Variants in AGPAT3 observed in about 807,000 individuals in gnomAD.
AGPAT3 encodes the protein 1-acylglycerol-3-phosphate O-acyltransferase 3.
A neutral mutation model predicts 47.3 loss-of-function variants in AGPAT3; 5 were observed. The observed-to-expected ratio is 0.11, with a 90% CI of 0.06 to 0.22. The LOEUF (loss-of-function observed/expected upper bound fraction) is 0.22, where lower values mean the gene tolerates loss of function less well. Among genes scored for constraint, AGPAT3 ranks in the 10% least tolerant of loss-of-function variants. AGPAT3 has a pLI of 1.00. For synonymous variants in AGPAT3, 212 were observed against 208.3 expected (o/e 1.02, Z -0.15); for missense variants, 315 against 493.0 (o/e 0.64, Z 3.42).
chr21:43,962,070 G>A (rs1440511579), intron 3 of AGPAT3, among the ~76,000 whole-genome samples: 21 of 149,286 alleles, frequency 1.4e-4, no homozygotes, highest in Admixed American at 2.0e-4. Context: ...GTGCGATCTC[G>A]GCTCACTGCA....
intron 3 of AGPAT3, among the ~76,000 whole-genome samples, chr21:43,963,091 G>A (rs2088955271): frequency 6.6e-6 from 1 of 152,220 alleles, no homozygotes; most frequent in Non-Finnish European, 1.5e-5. Flanking sequence ...GATGGATTTT[G>A]TATCAGATTA....
In AGPAT3 at chr21:43,982,439, T is replaced by C; in HGVS notation, c.*47T>C. 7.0e-7 allele frequency: 1 copy of C among 1,427,000 alleles called. No homozygotes were observed. Among genetic ancestry groups the C allele is most frequent in the East Asian group, 2.3e-5 (1 of 43,862 alleles). The allele number at this position is 1,427,000 out of a possible 1,614,324, so 88.4% of individuals were successfully genotyped here. A position where few individuals can be genotyped will look rare whatever the true frequency, so the allele number is the denominator to read the frequency against. Reference sequence around the variant, plus strand: ...ACGCGGCCCTGACGGTGGTATCCAGTTAACTCAAAACCAACACACAGAGTG... The same window carrying C: ...ACGCGGCCCTGACGGTGGTATCCAGCTAACTCAAAACCAACACACAGAGTG... On this transcript the variant is annotated 3_prime_UTR_variant, in exon 10 of 10. Coordinates refer to ENST00000291572, the MANE Select transcript of AGPAT3 (RefSeq NM_020132.5). The surrounding 1 kb of genome is among the most constrained non-coding windows in gnomAD (Gnocchi z 6.2).
rs945274480 is a variant in AGPAT3, at chr21:43,985,582, G to A, written c.*3190G>A. 6 of 257,652 alleles carry A rather than the reference G, an allele frequency of 2.3e-5. No homozygotes were observed. Among genetic ancestry groups the A allele is most frequent in the African/African-American group, 6.8e-5 (3 of 43,818 alleles). 16.0% of individuals were successfully genotyped at this position (257,652 alleles called of 1,614,324 possible). A position where few individuals can be genotyped will look rare whatever the true frequency, so the allele number is the denominator to read the frequency against. ...GGACCCAGCTGTGTGTTTCACTCAC[G>A]TGCAATTGAGTAGCTGTTGCCAGGC... is the stretch of plus-strand genomic sequence containing the variant. On this transcript the variant is annotated 3_prime_UTR_variant, in exon 10 of 10. Transcript: ENST00000291572.
Position 43,880,071 on chromosome 21 carries a change from C to T in AGPAT3, c.-112+14726C>T, listed in dbSNP as rs1444081136. Among the ~76,000 whole-genome samples, 1 of 152,236 alleles carries T rather than the reference C, an allele frequency of 6.6e-6. No homozygotes were observed. The highest frequency in any genetic ancestry group is 1.9e-4 in the East Asian group (1 of 5,202). ...GGAGGACGCAGCCCTGCATCCCTTGCGTCCCCAGGCATCTTAGGAGCACTG... is the reference window on the plus strand; with the variant it reads ...GGAGGACGCAGCCCTGCATCCCTTGTGTCCCCAGGCATCTTAGGAGCACTG... On this transcript the variant is annotated intron_variant, in intron 1 of 9. Coordinates refer to ENST00000291572, the MANE Select transcript of AGPAT3 (RefSeq NM_020132.5). This position sits in a 1 kb window ranked among gnomAD's most constrained non-coding sequence, Gnocchi z 4.5.
Position 43,986,265 on chromosome 21 carries a change from C to T in AGPAT3, c.*3873C>T, listed in dbSNP as rs759001414. On this transcript the variant is annotated 3_prime_UTR_variant, in exon 10 of 10. Transcript: ENST00000291572. ...AATGGTGGCATTCTTACAAACTGCT[C>T]GGGAAATAGAATGACGGGAACACTT... The T allele has an allele frequency of 4.6e-5, 7 of 152,170 alleles. No homozygotes were observed. Among genetic ancestry groups the T allele is most frequent in the Admixed American group, 2.0e-4 (3 of 15,272 alleles). 9.4% of individuals were successfully genotyped at this position (152,170 alleles called of 1,614,324 possible). A position where few individuals can be genotyped will look rare whatever the true frequency, so the allele number is the denominator to read the frequency against.
chr21:43,930,089 C>T lies in AGPAT3; in HGVS notation c.-49+26070C>T, dbSNP rs924347186. Among the ~76,000 whole-genome samples the T allele has an allele frequency of 9.9e-5, 15 of 152,200 alleles. No homozygotes were observed. The highest frequency in any genetic ancestry group is 2.4e-4 in the African/African-American group (10 of 41,458). On this transcript the variant is annotated intron_variant, in intron 2 of 9. Transcript: ENST00000291572. This position sits in a 1 kb window ranked among gnomAD's most constrained non-coding sequence, Gnocchi z 5.0. ...TGTACATCATCCAGCCCCGTTTTCA[C>T]GTTCAGGAAGTCACGAATCCACAGT...
chr21:43,909,258 C>G (rs1359300923), intron 2 of AGPAT3, among the ~76,000 whole-genome samples: 1 of 151,528 alleles, frequency 6.6e-6, no homozygotes, highest in Non-Finnish European at 1.5e-5. Flanking sequence ...AGGCAGTGGA[C>G]TGGCCGGCGG....
Position 43,985,622 on chromosome 21 carries a change from G to T in AGPAT3, c.*3230G>T, listed in dbSNP as rs1052424632. The T allele has an allele frequency of 4.4e-6, 1 of 225,298 alleles. No individual in the cohort carries two copies. The highest frequency in any genetic ancestry group is 2.3e-5 in the African/African-American group (1 of 43,022). The allele number at this position is 225,298 out of a possible 1,614,324, so 14.0% of individuals were successfully genotyped here. On this transcript the variant is annotated 3_prime_UTR_variant, in exon 10 of 10. Transcript: ENST00000291572. ...TGTTGCCAGGCTGTCCATGCCTGTT[G>T]TGACTACCGGTTGGGGTCAGATTTG... is the stretch of plus-strand genomic sequence containing the variant.
intron 1 of AGPAT3, among the ~76,000 whole-genome samples, chr21:43,903,032 C>T (rs1193745891): frequency 2.0e-5 from 3 of 152,106 alleles, no homozygotes; most frequent in Non-Finnish European, 4.4e-5. Context: ...CTGGGGGACA[C>T]AAGCATTCAG....
chr21:43,922,276 G>A lies in AGPAT3; in HGVS notation c.-49+18257G>A, dbSNP rs1383492163. On this transcript the variant is annotated intron_variant, in intron 2 of 9. Coordinates refer to ENST00000291572, the MANE Select transcript of AGPAT3 (RefSeq NM_020132.5). The surrounding 1 kb of genome is among the most constrained non-coding windows in gnomAD (Gnocchi z 4.9). ...TGTGACGGAGGAGGCTCCTGTTCTTGTGGGGGTGGCGAGGCGAGGATGGTG... is the reference window on the plus strand; with the variant it reads ...TGTGACGGAGGAGGCTCCTGTTCTTATGGGGGTGGCGAGGCGAGGATGGTG... 6.6e-6 allele frequency among the ~76,000 whole-genome samples: 1 copy of A among 152,162 alleles called. No homozygotes were observed. The highest frequency in any genetic ancestry group is 1.5e-5 in the Non-Finnish European group (1 of 68,040).
intron 3 of AGPAT3, among the ~76,000 whole-genome samples, chr21:43,963,708 A>C (rs1306167518): frequency 1.5e-4 from 9 of 61,178 alleles, no homozygotes; most frequent in Non-Finnish European, 2.3e-4. Context: ...ACTCTGTCTC[A>C]AAAAAAAAAA....
chr21:43,936,814 C>T (rs1421300025), intron 2 of AGPAT3, among the ~76,000 whole-genome samples: 3 of 152,376 alleles, frequency 2.0e-5, no homozygotes, highest in South Asian at 2.1e-4. Flanking sequence ...AAGCGGCTCC[C>T]AGGCCTCTGT....
At chr21:43,926,621 G>A (rs1161761524) in intron 2 of AGPAT3, among the ~76,000 whole-genome samples, 3 of 147,540 alleles carry the variant, frequency 2.0e-5, no homozygotes, top group Non-Finnish European at 4.5e-5. Context: ...GGTAGCTTCC[G>A]TGAGCTACGC....
At chr21:43,874,609 A>G (rs1271163145) in intron 1 of AGPAT3, among the ~76,000 whole-genome samples, 1 of 152,174 alleles carries the variant, frequency 6.6e-6, no homozygotes, top group Non-Finnish European at 1.5e-5. Context: ...TCTGGCTTAT[A>G]AAGTTGCGGT....
intron 2 of AGPAT3, among the ~76,000 whole-genome samples, chr21:43,911,227 T>C (rs756403594): frequency 4.6e-5 from 7 of 152,268 alleles, no homozygotes; most frequent in Admixed American, 1.3e-4. Flanking sequence ...CTTTTATGCA[T>C]GTTCTAAAGA....
rs556745498 is a variant in AGPAT3 at position 43,922,948 on chromosome 21, C to T, written c.-49+18929C>T. Among the ~76,000 whole-genome samples the T allele has an allele frequency of 3.3e-5, 5 of 152,298 alleles. No individual in the cohort carries two copies. The highest frequency in any genetic ancestry group is 2.1e-4 in the South Asian group (1 of 4,830). ...AGCGGGGCGGGCTCTGGGGTGCGAG[C>T]GTCTGTTCTGTGTCAGGAGTCCCTG... On this transcript the variant is annotated intron_variant, in intron 2 of 9. Transcript: ENST00000291572. This position sits in a 1 kb window ranked among gnomAD's most constrained non-coding sequence, Gnocchi z 4.9.
At chr21:43,905,542 A>G (rs908386506) in intron 2 of AGPAT3, among the ~76,000 whole-genome samples, 2 of 152,212 alleles carry the variant, frequency 1.3e-5, no homozygotes, top group Non-Finnish European at 2.9e-5. Context: ...GCAGATAACT[A>G]TGAAGATACT....
rs1482002994 is a variant in AGPAT3, at chr21:43,981,699, C to T, written c.1042+512C>T. On this transcript the variant is annotated intron_variant, in intron 9 of 9. Transcript: ENST00000291572. This position sits in a 1 kb window ranked among gnomAD's most constrained non-coding sequence, Gnocchi z 5.3. ...TGTCCCTGTGGTGAGCTCCGGCGCC[C>T]ACCCACACCCCGTAATTGAGGGGTC... Among the ~76,000 whole-genome samples, 1 of 152,114 alleles carries T rather than the reference C, an allele frequency of 6.6e-6. No homozygotes were observed. Among genetic ancestry groups the T allele is most frequent in the African/African-American group, 2.4e-5 (1 of 41,420 alleles).
chr21:43,879,223 G>T (rs2085800155), intron 1 of AGPAT3, among the ~76,000 whole-genome samples: 1 of 151,960 alleles, frequency 6.6e-6, no homozygotes, highest in Non-Finnish European at 1.5e-5. Context: ...GGCAGTGCGT[G>T]CCTGTAATCC....
Sources: gnomAD v4.1 joint callset for allele counts (sites outside exome capture counted in the v4.1 genomes callset) on GRCh38, gnomAD v4.1.1 for gene constraint, Gnocchi (gnomAD v3.1) non-coding constraint, MANE v1.5 for transcripts, NCBI Gene and HGNC (gene_info 2026-07-23, HGNC 2026-07-21) for gene names.